Variants in PHC1 observed in about 807,000 individuals in gnomAD.
PHC1 encodes polyhomeotic-like protein 1.
PHC1 carries 12 observed loss-of-function variants against 104.3 expected under a neutral mutation model. That is an observed-to-expected ratio of 0.12 (90% confidence interval 0.07 to 0.19). The LOEUF (loss-of-function observed/expected upper bound fraction) is 0.19, where lower values mean the gene tolerates loss of function less well. Ranked by LOEUF, PHC1 falls within the 10% of genes least tolerant of loss-of-function variation. The pLI is 1.00. For synonymous variants in PHC1, 302 were observed against 455.8 expected, an observed-to-expected ratio of 0.66 and a Z score of 4.30; for missense variants, 671 against 1,200.0, an observed-to-expected ratio of 0.56 and a Z score of 6.51.
intron 6 of PHC1, among the ~76,000 whole-genome samples, chr12:8,928,526 T>C (rs1945593841): frequency 6.6e-6 from 1 of 152,220 alleles, no homozygotes; most frequent in Non-Finnish European, 1.5e-5. Context: ...TTCTGATTTC[T>C]AAGTCCATTC....
In PHC1 at chr12:8,930,414, CTG is replaced by C. The variant is rs767131863; in HGVS notation, c.613-19_613-18del. On this transcript the variant is annotated intron_variant, in intron 6 of 14. Transcript: ENST00000544916. ...TGCCTCCAGTCCTCCTTTTCTCAAT[CTG>C]TTTTTTCGTATCTTTCAGGTTCAGA... 61 of 1,602,142 alleles carry C rather than the reference CTG, an allele frequency of 3.8e-5. No individual in the cohort carries two copies. The highest frequency in any genetic ancestry group is 4.7e-5 in the Non-Finnish European group (55 of 1,174,042).
rs752134578 is a variant in PHC1, at chr12:8,922,722, G to A, written c.546G>A (p.Ala182=). 89 of 1,611,624 alleles carry A rather than the reference G, an allele frequency of 5.5e-5. No individual in the cohort carries two copies. The highest frequency in any genetic ancestry group is 1.4e-4 in the South Asian group (13 of 90,320). Residue 182 remains alanine (A), a synonymous_variant, in exon 6 of 15, where the codon GCG becomes GCA. Coordinates refer to ENST00000544916, the MANE Select transcript of PHC1 (RefSeq NM_004426.3). ...AACTCATCCTGATGCCTAATGGGGC[G>A]GTGGCTGCAGTCCAGCAGGAGGTGC... The part of the protein sequence containing the change: ...ASQLILMPNG[A]VAAVQQEVPS...
Position 8,919,784 on chromosome 12 carries a change from A to G in PHC1, c.143A>G (p.Asn48Ser), listed in dbSNP as rs200091317. The change falls in exon 3 of 15, where the codon AAT (asparagine) becomes AGT (serine). Residue 48 changes from asparagine (N) to serine (S), a missense_variant. Around this residue, in one of 9 missense-constraint regions of PHC1, gnomAD observed 237 missense variants for 331.1 expected, o/e 0.72. Transcript: ENST00000544916. The surrounding 1 kb of genome is among the most constrained non-coding windows in gnomAD (Gnocchi z 4.9). ...CTGCAAGCACTGCAGCGGCAGCCCAATGCAGCTCAGTATTTCCACCAGTTC... is the reference window on the plus strand; with the variant it reads ...CTGCAAGCACTGCAGCGGCAGCCCAGTGCAGCTCAGTATTTCCACCAGTTC... The part of the protein sequence containing the change: ...QALQALQRQP[N>S]AAQYFHQFML... 370 of 1,612,624 alleles carry G rather than the reference A, an allele frequency of 2.3e-4. 1 individual carries two copies. Among genetic ancestry groups the G allele is most frequent in the Middle Eastern group, 3.6e-4 (2 of 5,582 alleles).
chr12:8,933,527 T>C, intron 8 of PHC1, 177 bp downstream of exon 8: 2 of 900,332 alleles, frequency 2.2e-6, no homozygotes, highest in Non-Finnish European at 3.2e-6. Flanking sequence ...TTTATACTCC[T>C]AAATTTGTTG....
chr12:8,920,941 C>T (rs1258605115), intron 3 of PHC1, 44 bp from the exon 4 acceptor site: 7 of 1,354,446 alleles, frequency 5.2e-6, no homozygotes, highest in Admixed American at 4.0e-5. Context: ...GAGCTTTTTC[C>T]TTCACTGTCT....
rs755178389 is a variant in PHC1, at chr12:8,921,089, G to A, written c.306+24G>A. ...CGGTGAGTACGCCCTCTCCCACTGA[G>A]AGGCTTCTCTACCTGGGTCTTTGTC... is the stretch of plus-strand genomic sequence containing the variant. On this transcript the variant is annotated intron_variant, in intron 4 of 14. Transcript: ENST00000544916. 2.6e-5 allele frequency: 41 copies of A among 1,554,060 alleles called. No homozygotes were observed. The Admixed American group carries it at 3.9e-4, about 15-fold the overall frequency.
At chr12:8,929,407 T>G (rs780908752) in intron 6 of PHC1, among the ~76,000 whole-genome samples, 1 of 152,324 alleles carries the variant, frequency 6.6e-6, no homozygotes, top group African/African-American at 2.4e-5. Context: ...CAGCCTGCCT[T>G]CCTTGCTTTA....
chr12:8,924,506 G>A (rs891871623), intron 6 of PHC1, among the ~76,000 whole-genome samples: 5 of 152,162 alleles, frequency 3.3e-5, no homozygotes, highest in African/African-American at 1.2e-4. Flanking sequence ...AAACTAAATG[G>A]TGCTAACTTT....
chr12:8,915,743 T>A (rs1369512470), intron 1 of PHC1: 1 of 152,262 alleles, frequency 6.6e-6, no homozygotes, highest in Non-Finnish European at 1.5e-5. Context: ...AATGAATACA[T>A]TTATGTGCCC....
Position 8,930,538 on chromosome 12 carries a change from G to A in PHC1, c.716G>A (p.Ser239Asn). 1 of 1,561,136 alleles carries A rather than the reference G, an allele frequency of 6.4e-7. No individual in the cohort carries two copies. The highest frequency in any genetic ancestry group is 8.7e-7 in the Non-Finnish European group (1 of 1,152,742). The change falls in exon 7 of 15, where the codon AGC (serine) becomes AAC (asparagine). Residue 239 changes from serine to asparagine, a missense_variant. This residue lies in a region of PHC1 where 237 missense variants were observed against 331.1 expected (regional missense o/e 0.72). Transcript: ENST00000544916. Reference sequence around the variant, plus strand: ...CCTCCAGGAGCCTCCCCTGTCTCTAGCCTCTCCCAGGCCTCTAGCCAGGCC... The same window carrying A: ...CCTCCAGGAGCCTCCCCTGTCTCTAACCTCTCCCAGGCCTCTAGCCAGGCC... The part of the protein sequence containing the change: ...AIPPGASPVS[S>N]LSQASSQALA...
At chr12:8,927,357 G>C (rs911256044) in intron 6 of PHC1, among the ~76,000 whole-genome samples, 3 of 152,116 alleles carry the variant, frequency 2.0e-5, no homozygotes, top group Non-Finnish European at 4.4e-5. Context: ...GAACTGGGGA[G>C]GGGAATGTGC....
chr12:8,934,710 T>C (rs1945786010), intron 10 of PHC1, among the ~76,000 whole-genome samples: 1 of 152,196 alleles, frequency 6.6e-6, no homozygotes, highest in African/African-American at 2.4e-5. Context: ...ACTGTAATGT[T>C]TAGTTAGATA....
At chr12:8,920,663 A>G (rs61495555) in intron 3 of PHC1, among the ~76,000 whole-genome samples, 2,460 of 152,320 alleles carry the variant, frequency 0.016, 75 homozygotes, top group African/African-American at 0.056. Context: ...AGCGGAGATC[A>G]TGCCACTGCA....
At chr12:8,929,551 A>T (rs1429794688) in intron 6 of PHC1, among the ~76,000 whole-genome samples, 2 of 148,944 alleles carry the variant, frequency 1.3e-5, no homozygotes, top group East Asian at 3.9e-4. Context: ...TTTTCTGGAC[A>T]GGGTCTCACT....
chr12:8,936,778 A>G (rs1945849959), intron 11 of PHC1, 78 bp from the exon 12 acceptor site: 1 of 920,754 alleles, frequency 1.1e-6, no homozygotes, highest in East Asian at 2.6e-5. Context: ...TAATTTTAGA[A>G]TCCAGCTCTG....
At chr12:8,938,823 TTTG>T (rs928494261) in intron 14 of PHC1, among the ~76,000 whole-genome samples, 26 of 152,132 alleles carry the variant, frequency 1.7e-4, no homozygotes, top group Non-Finnish European at 2.4e-4. Context: ...GGACTTTGGT[TTTG>T]TTGTTGTTGT....
chr12:8,919,644 C>T lies in PHC1; in HGVS notation c.115-112C>T, dbSNP rs1369876466. On this transcript the variant is annotated intron_variant, in intron 2 of 14. Coordinates refer to ENST00000544916, the MANE Select transcript of PHC1 (RefSeq NM_004426.3). This position sits in a 1 kb window ranked among gnomAD's most constrained non-coding sequence, Gnocchi z 4.9. ...TTGACGATTTAGCCCAAACTCCCAT[C>T]TCCTCTGGTTTCTGTCCTTCCCATG... 2 of 1,085,000 alleles carry T rather than the reference C, an allele frequency of 1.8e-6. No homozygotes were observed. The highest frequency in any genetic ancestry group is 1.6e-5 in the South Asian group (1 of 63,544). 67.2% of individuals were successfully genotyped at this position (1,085,000 alleles called of 1,614,324 possible).
In PHC1 at chr12:8,932,524, CT is replaced by C. The variant is rs765461705; in HGVS notation, c.1106-33del. The C allele has an allele frequency of 3.7e-4, 595 of 1,596,478 alleles. 1 individual carries two copies. The highest frequency in any genetic ancestry group is 4.7e-4 in the Non-Finnish European group (549 of 1,165,702). Reference sequence around the variant, plus strand: ...TTTAGAATGATTATTATTCTCTGCTCTTTTTTCTCTCTGTTGTATTCTGGGA... The same window carrying C: ...TTTAGAATGATTATTATTCTCTGCTCTTTTTCTCTCTGTTGTATTCTGGGA... On this transcript the variant is annotated intron_variant, in intron 7 of 14. Coordinates refer to ENST00000544916, the MANE Select transcript of PHC1 (RefSeq NM_004426.3).
intron 6 of PHC1, among the ~76,000 whole-genome samples, chr12:8,924,331 G>A (rs1251169804): frequency 6.6e-6 from 1 of 152,114 alleles, no homozygotes; most frequent in African/African-American, 2.4e-5. Flanking sequence ...ACAAAAATTA[G>A]CCGGGCATGG....
Sources: allele counts gnomAD v4.1 joint callset (sites outside exome capture counted in the v4.1 genomes callset), GRCh38; gene constraint gnomAD v4.1.1; regional missense constraint gnomAD v4.1.1; non-coding constraint Gnocchi (gnomAD v3.1); transcripts MANE v1.5; gene names NCBI Gene and HGNC (gene_info 2026-07-23, HGNC 2026-07-21).